Variants in TBC1D19 observed in about 807,000 individuals in gnomAD.
The protein encoded by TBC1D19 is TBC1 domain family, member 19.
A neutral mutation model predicts 89.0 loss-of-function variants in TBC1D19; 60 were observed. The ratio of observed to expected loss-of-function variants is 0.67; its 90% CI spans 0.55 to 0.84. The LOEUF is 0.84. Among genes scored for constraint, TBC1D19 ranks in the 40% least tolerant of loss-of-function variants. The pLI, the probability that TBC1D19 is intolerant of heterozygous loss-of-function variation, is 0.00. For synonymous variants in TBC1D19, 189 were observed against 199.7 expected, an observed-to-expected ratio of 0.95 and a Z score of 0.45; for missense variants, 500 against 610.8, an observed-to-expected ratio of 0.82 and a Z score of 1.91.
intron 9 of TBC1D19, among the ~76,000 whole-genome samples, chr4:26,668,471 A>G (rs1712006969): frequency 6.6e-6 from 1 of 152,004 alleles, no homozygotes; most frequent in African/African-American, 2.4e-5. Flanking sequence ...TAGAATACAT[A>G]GACATAAGAC....
At chr4:26,748,124 C>T (rs1488389079) in intron 18 of TBC1D19, among the ~76,000 whole-genome samples, 2 of 152,166 alleles carry the variant, frequency 1.3e-5, no homozygotes, top group African/African-American at 4.8e-5. Flanking sequence ...AAGTAGTATA[C>T]ACTCTGAAAA....
At chr4:26,629,558 A>G (rs1742660716) in intron 4 of TBC1D19, among the ~76,000 whole-genome samples, 1 of 152,068 alleles carries the variant, frequency 6.6e-6, no homozygotes, top group African/African-American at 2.4e-5. Flanking sequence ...TTCCTAGAAA[A>G]TATTCAGACC....
chr4:26,703,313 G>A (rs1715476695), intron 13 of TBC1D19, among the ~76,000 whole-genome samples: 1 of 152,146 alleles, frequency 6.6e-6, no homozygotes, highest in Admixed American at 6.5e-5. Flanking sequence ...AAAAACGTAT[G>A]TAATTGTATG....
upstream of TBC1D19, among the ~76,000 whole-genome samples, chr4:26,579,573 A>G (rs1189075513): frequency 6.6e-6 from 1 of 151,160 alleles, no homozygotes. Flanking sequence ...TACATGTGCC[A>G]TTGTGGTTTG....
the TBC1D19 span, among the ~76,000 whole-genome samples, chr4:26,795,617 T>A: frequency 3.3e-5 from 5 of 152,162 alleles, no homozygotes; most frequent in African/African-American, 1.2e-4. Flanking sequence ...TCTAGGAAAG[T>A]CTGAGTACCT....
chr4:26,705,823 T>G (rs1715694359), intron 13 of TBC1D19, among the ~76,000 whole-genome samples: 1 of 152,170 alleles, frequency 6.6e-6, no homozygotes, highest in Admixed American at 6.6e-5. Context: ...AAGGTAATAC[T>G]GGCCTCACAG....
chr4:26,586,645 T>C (rs528298723), intron 1 of TBC1D19, among the ~76,000 whole-genome samples: 5 of 152,312 alleles, frequency 3.3e-5, no homozygotes, highest in African/African-American at 7.2e-5. Flanking sequence ...CTCTTGTCAG[T>C]GTTTTGTAGT....
At chr4:26,741,745 A>G (rs1718390673) in intron 17 of TBC1D19, among the ~76,000 whole-genome samples, 1 of 152,124 alleles carries the variant, frequency 6.6e-6, no homozygotes, top group African/African-American at 2.4e-5. Context: ...TAGAAACACA[A>G]AAAGAGGATT....
intron 8 of TBC1D19, among the ~76,000 whole-genome samples, chr4:26,664,786 G>A (rs1194052262): frequency 6.6e-6 from 1 of 152,044 alleles, no homozygotes; most frequent in Non-Finnish European, 1.5e-5. Context: ...GGCGATATAT[G>A]ATTTGACTAT....
intron 13 of TBC1D19, among the ~76,000 whole-genome samples, chr4:26,692,534 T>A (rs1040376423): frequency 1.3e-5 from 2 of 152,186 alleles, no homozygotes; most frequent in African/African-American, 4.8e-5. Flanking sequence ...CCAGGGCAAA[T>A]GACTCAGAGA....
At chr4:26,610,695 A>G (rs529489273) in intron 1 of TBC1D19, among the ~76,000 whole-genome samples, 2 of 151,914 alleles carry the variant, frequency 1.3e-5, no homozygotes, top group Admixed American at 6.6e-5. Flanking sequence ...AAGTGGGAAC[A>G]TGTGGGTTTC....
chr4:26,701,222 A>G (rs1715303207), intron 13 of TBC1D19, among the ~76,000 whole-genome samples: 1 of 152,168 alleles, frequency 6.6e-6, no homozygotes, highest in Non-Finnish European at 1.5e-5. Context: ...CAAAGCAGCC[A>G]TTATAAATAT....
chr4:26,624,621 T>C (rs951558734), intron 4 of TBC1D19, among the ~76,000 whole-genome samples: 1 of 152,192 alleles, frequency 6.6e-6, no homozygotes, highest in Non-Finnish European at 1.5e-5. Flanking sequence ...CACTGGCCTT[T>C]ATGTAGCAGG....
chr4:26,698,242 T>C (rs1714989884), intron 13 of TBC1D19, among the ~76,000 whole-genome samples: 2 of 152,170 alleles, frequency 1.3e-5, no homozygotes, highest in South Asian at 4.1e-4. Context: ...ACCAAAATCA[T>C]GAGTGAACTC....
intron 15 of TBC1D19, among the ~76,000 whole-genome samples, chr4:26,726,126 AACAC>A (rs56262902): frequency 0.2 from 25,228 of 126,662 alleles, 2,505 homozygotes; most frequent in Middle Eastern, 0.24. Flanking sequence ...CAATTCTCCC[AACAC>A]ACACACACAC....
the TBC1D19 span, among the ~76,000 whole-genome samples, chr4:26,804,894 G>A: frequency 6.6e-6 from 1 of 152,244 alleles, no homozygotes; most frequent in African/African-American, 2.4e-5. Flanking sequence ...TGGGCAGACA[G>A]CTGAGATATT....
At chr4:26,733,019 TAAG>T (rs1717762958) in intron 15 of TBC1D19, among the ~76,000 whole-genome samples, 1 of 152,004 alleles carries the variant, frequency 6.6e-6, no homozygotes, top group African/African-American at 2.4e-5. Context: ...TAGAGAGGAA[TAAG>T]AAAATTGATA....
chr4:26,770,629 A>G, the TBC1D19 span, among the ~76,000 whole-genome samples: 1 of 152,124 alleles, frequency 6.6e-6, no homozygotes, highest in East Asian at 1.9e-4. Flanking sequence ...AACTGCATTT[A>G]TAGAACACCC....
chr4:26,602,769 C>T (rs553102217), intron 1 of TBC1D19, among the ~76,000 whole-genome samples: 4 of 151,004 alleles, frequency 2.6e-5, no homozygotes, highest in Admixed American at 6.6e-5. Context: ...CCACCACACA[C>T]TGACAGTGAA....
Sources: gnomAD v4.1 joint callset for allele counts (sites outside exome capture counted in the v4.1 genomes callset) on GRCh38, gnomAD v4.1.1 for gene constraint, MANE v1.5 for transcripts, NCBI Gene and HGNC (gene_info 2026-07-23, HGNC 2026-07-21) for gene names.